The following LDLRAD4 variants were observed in gnomAD, a reference collection of about 807,000 sequenced individuals.
LDLRAD4 encodes low density lipoprotein receptor class A domain containing 4, also known as low-density lipoprotein receptor class A domain-containing protein 4.
Under a neutral mutation model 17.0 loss-of-function variants are expected in LDLRAD4, and 5 were observed. The observed-to-expected ratio is 0.29, with a 90% CI of 0.15 to 0.62. The LOEUF is 0.62. LDLRAD4 is among the 20% of genes least tolerant of loss of function. The pLI is 0.84. For missense variants in LDLRAD4, 340 were observed against 424.7 expected (o/e 0.80, Z 1.75); for synonymous variants, 168 against 171.8 (o/e 0.98, Z 0.17).
At chr18:13,603,607 T>C (rs191507883) in intron 3 of LDLRAD4, among the ~76,000 whole-genome samples, 6 of 152,376 alleles carry the variant, frequency 3.9e-5, no homozygotes, top group Non-Finnish European at 7.3e-5. Flanking sequence ...AATGGCCTAC[T>C]TGAATGAGTT....
chr18:13,287,156 G>A (rs968793401), intron 1 of LDLRAD4, among the ~76,000 whole-genome samples: 3 of 152,184 alleles, frequency 2.0e-5, no homozygotes, highest in South Asian at 2.1e-4. Context: ...CCACCAGGAC[G>A]TAGAGGAAAT....
intron 3 of LDLRAD4, among the ~76,000 whole-genome samples, chr18:13,563,194 G>A (rs2094559393): frequency 6.6e-6 from 1 of 152,180 alleles, no homozygotes; most frequent in African/African-American, 2.4e-5. Context: ...TTGTTTTAGG[G>A]ATAACTAATT....
At chr18:13,505,548 G>A (rs116504119) in intron 3 of LDLRAD4, among the ~76,000 whole-genome samples, 1,712 of 152,278 alleles carry the variant, frequency 0.011, 30 homozygotes, top group African/African-American at 0.038. Flanking sequence ...TGCCAGGCAC[G>A]GTGGCTCACG....
At chr18:13,357,027 G>T (rs1389511506) in intron 1 of LDLRAD4, among the ~76,000 whole-genome samples, 1 of 152,096 alleles carries the variant, frequency 6.6e-6, no homozygotes, top group Non-Finnish European at 1.5e-5. Flanking sequence ...CCAGCTACTT[G>T]GGAGGCTGAG....
intron 1 of LDLRAD4, among the ~76,000 whole-genome samples, chr18:13,252,767 C>G (rs1205976010): frequency 6.6e-6 from 1 of 152,220 alleles, no homozygotes; most frequent in East Asian, 1.9e-4. Context: ...ACATGCAGAA[C>G]CAGCCTCACT....
intron 1 of LDLRAD4, among the ~76,000 whole-genome samples, chr18:13,343,413 C>A (rs1347307611): frequency 6.6e-6 from 1 of 152,022 alleles, no homozygotes; most frequent in Non-Finnish European, 1.5e-5. Flanking sequence ...GACATGAATT[C>A]ATCATTTTTT....
chr18:13,332,572 C>A (rs1480353734), intron 1 of LDLRAD4, among the ~76,000 whole-genome samples: 1 of 152,210 alleles, frequency 6.6e-6, no homozygotes, highest in Non-Finnish European at 1.5e-5. Flanking sequence ...CTCTCCCTCC[C>A]CTCAACCTGT....
chr18:13,430,304 G>A (rs535143853), intron 2 of LDLRAD4, among the ~76,000 whole-genome samples: 20 of 152,338 alleles, frequency 1.3e-4, no homozygotes, highest in African/African-American at 4.3e-4. Flanking sequence ...CTCCTGTTGC[G>A]CTTCATGATT....
intron 1 of LDLRAD4, among the ~76,000 whole-genome samples, chr18:13,290,554 A>G (rs2045905750): frequency 6.6e-6 from 1 of 151,412 alleles, no homozygotes; most frequent in East Asian, 1.9e-4. Flanking sequence ...TCAGACAGGT[A>G]TTCTTTAAAA....
At chr18:13,480,531 A>G (rs1173075012) in intron 3 of LDLRAD4, among the ~76,000 whole-genome samples, 7 of 152,166 alleles carry the variant, frequency 4.6e-5, no homozygotes, top group African/African-American at 1.4e-4. Flanking sequence ...AATGTACAAG[A>G]GTGAACCCTA....
chr18:13,611,435 A>G (rs2039547790), intron 3 of LDLRAD4: 4 of 985,016 alleles, frequency 4.1e-6, no homozygotes, highest in Non-Finnish European at 4.8e-6. Flanking sequence ...AAACTGCGAC[A>G]GACTCGCAGC....
chr18:13,369,984 G>A (rs770916040), intron 1 of LDLRAD4, among the ~76,000 whole-genome samples: 3 of 152,190 alleles, frequency 2.0e-5, no homozygotes, highest in Non-Finnish European at 2.9e-5. Context: ...GAGGTTTTGC[G>A]CTCTTGCCAC....
chr18:13,473,663 AT>A lies in LDLRAD4; in HGVS notation c.181+35280del, dbSNP rs1568213827. On this transcript the variant is annotated intron_variant, in intron 3 of 5. Transcript: ENST00000359446. ...TATATATATATATATATATATATATATATATATATATATATAACGTTTACAT... is the reference window on the plus strand; with the variant it reads ...TATATATATATATATATATATATATAATATATATATATATAACGTTTACAT... Among the ~76,000 whole-genome samples the A allele has an allele frequency of 2.1e-3, 229 of 109,588 alleles. 1 individual carries two copies. Among genetic ancestry groups the A allele is most frequent in the South Asian group, 5.4e-3 (16 of 2,986 alleles). 71.9% of individuals were successfully genotyped at this position (109,588 alleles called of 152,430 possible).
At chr18:13,399,645 A>G (rs1267363701) in intron 2 of LDLRAD4, among the ~76,000 whole-genome samples, 2 of 152,244 alleles carry the variant, frequency 1.3e-5, no homozygotes, top group African/African-American at 4.8e-5. Context: ...GCAGAGCCAC[A>G]TGGGCGTCCC....
intron 1 of LDLRAD4, among the ~76,000 whole-genome samples, chr18:13,348,584 T>C (rs976792057): frequency 6.6e-6 from 1 of 152,140 alleles, no homozygotes; most frequent in Non-Finnish European, 1.5e-5. Flanking sequence ...GGAGAACCAC[T>C]ACTGTCTTCC....
At chr18:13,458,382 G>A (rs1002833831) in intron 3 of LDLRAD4, among the ~76,000 whole-genome samples, 4 of 152,224 alleles carry the variant, frequency 2.6e-5, no homozygotes, top group African/African-American at 9.6e-5. Context: ...TCTTCTGTGC[G>A]TAAATCTTTC....
At chr18:13,280,484 G>A (rs189218004) in intron 1 of LDLRAD4, among the ~76,000 whole-genome samples, 7 of 152,342 alleles carry the variant, frequency 4.6e-5, no homozygotes, top group Middle Eastern at 3.4e-3. Flanking sequence ...GGGGATTGGA[G>A]GAAAATAGCA....
At chr18:13,435,146 G>GGACA (rs1300832304) in intron 2 of LDLRAD4, among the ~76,000 whole-genome samples, 1 of 152,244 alleles carries the variant, frequency 6.6e-6, no homozygotes. Flanking sequence ...AGTGTGCTGG[G>GGACA]GACAGCCTGT....
intron 1 of LDLRAD4, among the ~76,000 whole-genome samples, chr18:13,371,447 C>T (rs1230943290): frequency 6.6e-6 from 1 of 152,192 alleles, no homozygotes; most frequent in Non-Finnish European, 1.5e-5. Context: ...CACTGGTGCA[C>T]TGTCCACTAG....
Sources: allele counts gnomAD v4.1 joint callset (sites outside exome capture counted in the v4.1 genomes callset), GRCh38; gene constraint gnomAD v4.1.1; transcripts MANE v1.5; gene names NCBI Gene and HGNC (gene_info 2026-07-23, HGNC 2026-07-21).